Variants in SLCO1B1 observed in about 807,000 individuals in gnomAD.
SLCO1B1 encodes the protein OATP-2.
Under a neutral mutation model 70.1 loss-of-function variants are expected in SLCO1B1, and 81 were observed. The observed-to-expected ratio is 1.16, with a 90% CI of 0.97 to 1.39. The LOEUF (loss-of-function observed/expected upper bound fraction) is 1.39, where lower values mean the gene tolerates loss of function less well. Ranked by LOEUF, SLCO1B1 falls within the 40% of genes most tolerant of loss-of-function variation. SLCO1B1 has a pLI of 0.00. For missense variants in SLCO1B1, 895 were observed against 799.6 expected, an observed-to-expected ratio of 1.12 and a Z score of -1.44; for synonymous variants, 283 against 271.5, an observed-to-expected ratio of 1.04 and a Z score of -0.42.
At chr12:21,135,094 C>T (rs1940199002) in intron 1 of SLCO1B1, among the ~76,000 whole-genome samples, 1 of 152,092 alleles carries the variant, frequency 6.6e-6, no homozygotes, top group South Asian at 2.1e-4. Flanking sequence ...ATTATGTACC[C>T]AGTAGTCATT....
chr12:21,144,883 G>C (rs1375127041), intron 2 of SLCO1B1, among the ~76,000 whole-genome samples: 1 of 152,128 alleles, frequency 6.6e-6, no homozygotes, highest in Non-Finnish European at 1.5e-5. Flanking sequence ...GTTACCATTA[G>C]ACCTGCCTTA....
At chr12:21,237,601 ATAACT>A (rs1490616242) in intron 14 of SLCO1B1, among the ~76,000 whole-genome samples, 1 of 152,210 alleles carries the variant, frequency 6.6e-6, no homozygotes, top group Non-Finnish European at 1.5e-5. Flanking sequence ...ATATTTAAAA[ATAACT>A]TAGGAAGTGT....
intron 7 of SLCO1B1, among the ~76,000 whole-genome samples, chr12:21,193,817 G>A (rs530790739): frequency 4.6e-5 from 7 of 152,040 alleles, no homozygotes; most frequent in East Asian, 1.9e-4. Flanking sequence ...TGGAGACAGA[G>A]TCTCACTCTG....
chr12:21,145,174 C>T (rs1940363774), intron 2 of SLCO1B1, among the ~76,000 whole-genome samples: 1 of 152,138 alleles, frequency 6.6e-6, no homozygotes, highest in African/African-American at 2.4e-5. Flanking sequence ...ACTCATGTAT[C>T]ATGACATCCA....
intron 1 of SLCO1B1, among the ~76,000 whole-genome samples, chr12:21,131,580 T>A (rs1399793531): frequency 6.6e-6 from 1 of 152,132 alleles, no homozygotes; most frequent in Non-Finnish European, 1.5e-5. Context: ...ATTATTTTTG[T>A]CAACTACATT....
At chr12:21,215,875 A>C (rs553401076) in intron 11 of SLCO1B1, among the ~76,000 whole-genome samples, 2 of 152,134 alleles carry the variant, frequency 1.3e-5, no homozygotes, top group East Asian at 3.9e-4. Context: ...TTCAGTACTG[A>C]TTCAAATTTG....
In SLCO1B1 at chr12:21,238,969, A is replaced by T. The variant is rs371302553; in HGVS notation, c.1866-10A>T. The T allele has an allele frequency of 1.3e-6, 2 of 1,494,528 alleles. No individual in the cohort carries two copies. The highest frequency in any genetic ancestry group is 1.9e-6 in the Non-Finnish European group (2 of 1,077,598). 92.6% of individuals were successfully genotyped at this position (1,494,528 alleles called of 1,614,324 possible). On this transcript the variant is annotated splice_polypyrimidine_tract_variant and intron_variant, in intron 14 of 14. Transcript: ENST00000256958. ...ACTGATTTATTGTTTTATTTTCTCT[A>T]TTTCTACAGAAGGGTCTACTTGGGC...
At chr12:21,156,430 G>T (rs1428818841) in intron 2 of SLCO1B1, among the ~76,000 whole-genome samples, 1 of 152,100 alleles carries the variant, frequency 6.6e-6, no homozygotes, top group African/African-American at 2.4e-5. Context: ...TTTTAATAGT[G>T]AACTTATACA....
At position 21,203,236 on chromosome 12, in the gene SLCO1B1, T is replaced by C. The variant is rs1941178082; in HGVS notation, c.1331+550T>C. On this transcript the variant is annotated intron_variant, in intron 10 of 14. Coordinates refer to ENST00000256958, the MANE Select transcript of SLCO1B1 (RefSeq NM_006446.5). ...TTTTTGCAAGCTAATATTGTTTTTT[T>C]CTGATATTATCTACATTGGAAGTAG... Among the ~76,000 whole-genome samples, 5 of 152,212 alleles carry C rather than the reference T, an allele frequency of 3.3e-5. No individual in the cohort carries two copies. In the South Asian group the frequency reaches 8.3e-4, roughly 25 times the overall value.
At chr12:21,177,974 T>C (rs1480464555) in intron 5 of SLCO1B1, among the ~76,000 whole-genome samples, 1 of 152,198 alleles carries the variant, frequency 6.6e-6, no homozygotes, top group Non-Finnish European at 1.5e-5. Flanking sequence ...GTATATGTTT[T>C]GTGCAAATCT....
At chr12:21,203,140 T>C (rs1381099185) in intron 10 of SLCO1B1, among the ~76,000 whole-genome samples, 1 of 152,130 alleles carries the variant, frequency 6.6e-6, no homozygotes, top group African/African-American at 2.4e-5. Flanking sequence ...ACAACTTTTA[T>C]CTACAGTTCA....
chr12:21,205,909 A>T lies in SLCO1B1; in HGVS notation c.1373A>T (p.Tyr458Phe), dbSNP rs750798503. 79 of 1,610,910 alleles carry T rather than the reference A, an allele frequency of 4.9e-5. No individual in the cohort carries two copies. The highest frequency in any genetic ancestry group is 1.7e-5 in the Admixed American group (1 of 59,834). The change falls in exon 11 of 15, where the codon TAT becomes TTT. Residue 458 changes from tyrosine to phenylalanine, a missense_variant. Physicochemically the swap from Tyr to Phe is conservative, Grantham distance 22. Coordinates refer to ENST00000256958, the MANE Select transcript of SLCO1B1 (RefSeq NM_006446.5). ...VTSHRDVPLS[Y>F]CNSDCNCDES... ...TCTCATAGAGATGTACCACTTTCTT[A>T]TTGCAACTCAGACTGCAATTGTGAT... is the stretch of plus-strand genomic sequence containing the variant.
At chr12:21,181,758 C>T (rs1940901499) in intron 7 of SLCO1B1, among the ~76,000 whole-genome samples, 1 of 151,914 alleles carries the variant, frequency 6.6e-6, no homozygotes, top group Admixed American at 6.6e-5. Context: ...TATGCTCGTC[C>T]ACTTATGCAC....
chr12:21,146,138 C>T (rs576124573), intron 2 of SLCO1B1, among the ~76,000 whole-genome samples: 1 of 152,136 alleles, frequency 6.6e-6, no homozygotes, highest in Non-Finnish European at 1.5e-5. Flanking sequence ...AGAAATAGTC[C>T]TTTTAATATT....
chr12:21,224,597 AAAT>A (rs1941464178), intron 13 of SLCO1B1, 122 bp from the exon 14 acceptor site: 6 of 693,302 alleles, frequency 8.7e-6, no homozygotes, highest in Non-Finnish European at 1.3e-5. Context: ...ATGCAGAACA[AAAT>A]AATAAACGAA....
chr12:21,237,031 T>C (rs944967984), intron 14 of SLCO1B1, among the ~76,000 whole-genome samples: 1 of 152,210 alleles, frequency 6.6e-6, no homozygotes, highest in African/African-American at 2.4e-5. Context: ...AAGTGACTAC[T>C]GATGTTGTGA....
intron 11 of SLCO1B1, among the ~76,000 whole-genome samples, chr12:21,206,453 A>G (rs992990832): frequency 3.3e-5 from 5 of 151,954 alleles, no homozygotes; most frequent in African/African-American, 1.2e-4. Flanking sequence ...ACAACAGTCA[A>G]TATGCAATGT....
At chr12:21,181,274 T>G (rs1352883844) in intron 7 of SLCO1B1, among the ~76,000 whole-genome samples, 1 of 152,184 alleles carries the variant, frequency 6.6e-6, no homozygotes, top group African/African-American at 2.4e-5. Flanking sequence ...AAAAACTTTT[T>G]CTCACGTCCT....
At chr12:21,132,609 T>G (rs997244951) in intron 1 of SLCO1B1, among the ~76,000 whole-genome samples, 2 of 152,232 alleles carry the variant, frequency 1.3e-5, no homozygotes, top group Non-Finnish European at 1.5e-5. Context: ...TTTTTTCACG[T>G]GTTTTTTGGC....
Sources: allele counts gnomAD v4.1 joint callset (sites outside exome capture counted in the v4.1 genomes callset), GRCh38; gene constraint gnomAD v4.1.1; transcripts MANE v1.5; gene names NCBI Gene and HGNC (gene_info 2026-07-23, HGNC 2026-07-21).